The following FBRSL1 variants were observed in gnomAD, a reference collection of about 807,000 sequenced individuals.
The protein encoded by FBRSL1 is fibrosin-1-like protein.
Under a neutral mutation model 89.6 loss-of-function variants are expected in FBRSL1, and 51 were observed. The observed-to-expected ratio is 0.57, with a 90% confidence interval of 0.45 to 0.72. The LOEUF is 0.72. Ranked by LOEUF, FBRSL1 falls within the 30% of genes least tolerant of loss-of-function variation. The pLI, the probability that FBRSL1 is intolerant of heterozygous loss-of-function variation, is 0.00. For missense variants in FBRSL1, 1,618 were observed against 1,451.8 expected, an observed-to-expected ratio of 1.11 and a Z score of -1.86; for synonymous variants, 779 against 681.1, an observed-to-expected ratio of 1.14 and a Z score of -2.24.
chr12:132,575,546 T>A (rs555098786), intron 14 of FBRSL1, among the ~76,000 whole-genome samples: 1 of 152,348 alleles, frequency 6.6e-6, no homozygotes, highest in South Asian at 2.1e-4. Context: ...CATGTCTTTA[T>A]ACTTGCATGT....
chr12:132,571,357 G>A lies in FBRSL1; in HGVS notation c.1377+126G>A, dbSNP rs1197491630. ...GAACACGCGGTTTCTGGTGCAGAGC[G>A]CCGAGCGGCCTGGCGCCTCCCTGGG... On this transcript the variant is annotated intron_variant, in intron 9 of 18. Transcript: ENST00000680143. 5.8e-6 allele frequency: 9 copies of A among 1,550,410 alleles called. No homozygotes were observed. Among genetic ancestry groups the A allele is most frequent in the African/African-American group, 5.5e-5 (4 of 73,014 alleles).
chr12:132,507,258 C>T, intron 1 of FBRSL1: 1 of 985,576 alleles, frequency 1.0e-6, no homozygotes, highest in Non-Finnish European at 1.2e-6. Flanking sequence ...ACAGCTGTGC[C>T]CTCCCCGAGA....
rs560247582 is a variant in FBRSL1 at position 132,548,210 on chromosome 12, G to A, written c.645+178G>A. Among the ~76,000 whole-genome samples, 9 of 152,300 alleles carry A rather than the reference G, an allele frequency of 5.9e-5. No individual in the cohort carries two copies. The South Asian group carries it at 1.7e-3, about 28-fold the overall frequency. The stretch of plus-strand genomic sequence containing the variant: ...AGGTATGGGGGTGCTGGCCTCTCCT[G>A]GCTGTGGAAGAGCCTGTCCAGGGCT... On this transcript the variant is annotated intron_variant, in intron 5 of 18. Transcript: ENST00000680143.
intron 18 of FBRSL1, 138 bp downstream of exon 18, chr12:132,582,404 TCCCCTTCCCCGTTC>T: frequency 1.7e-6 from 1 of 598,608 alleles, no homozygotes; most frequent in Non-Finnish European, 3.0e-6. Flanking sequence ...CTCCCCCTGT[TCCCCTTCCCCGTTC>T]CCCCTCCCCC....
intron 4 of FBRSL1, among the ~76,000 whole-genome samples, chr12:132,537,042 T>C (rs1031378932): frequency 6.6e-6 from 1 of 152,054 alleles, no homozygotes; most frequent in East Asian, 1.9e-4. Context: ...AAGCGGCTGG[T>C]GGCCAGCTCT....
chr12:132,528,010 C>T (rs553658224), intron 4 of FBRSL1, 22 bp downstream of exon 4: 2 of 1,550,782 alleles, frequency 1.3e-6, no homozygotes, highest in African/African-American at 2.7e-5. Context: ...AGCACCCCTC[C>T]TCCATCTTTG....
Position 132,564,116 on chromosome 12 carries a change from A to G in FBRSL1, c.646-3365A>G, listed in dbSNP as rs547953714. Among the ~76,000 whole-genome samples the G allele has an allele frequency of 7.9e-5, 12 of 152,310 alleles. No individual in the cohort carries two copies. In the South Asian group the frequency reaches 1.9e-3, roughly 24 times the overall value. ...GCTCACAGAGCGCGTGCCGACAGCA[A>G]TTCCATATGTGGCTGAGGCAGACGC... On this transcript the variant is annotated intron_variant, in intron 5 of 18. Coordinates refer to ENST00000680143, the MANE Select transcript of FBRSL1 (RefSeq NM_001367871.1).
rs2040951730 is a variant in FBRSL1 at position 132,583,645 on chromosome 12, T to A, written c.2876T>A (p.Leu959Gln). The stretch of plus-strand genomic sequence containing the variant: ...GCCGCCCTCGGCGCACCGCCCCCCC[T>A]GGTGACGGCGGCCGGGCCCCCCACG... ...AAAALGAPPPLVTAAGPPTPP... is the reference protein window; with the variant it reads ...AAAALGAPPPQVTAAGPPTPP... The change falls in exon 19 of 19, where the codon CTG becomes CAG. Residue 959 changes from leucine (L) to glutamine (Q), a missense_variant. Leu to Gln is a moderately radical substitution (Grantham distance 113, BLOSUM62 -2). Coordinates refer to ENST00000680143, the MANE Select transcript of FBRSL1 (RefSeq NM_001367871.1). 2 of 1,015,882 alleles carry A rather than the reference T, an allele frequency of 2.0e-6. No homozygotes were observed. Among genetic ancestry groups the A allele is most frequent in the African/African-American group, 1.7e-5 (1 of 57,186 alleles). The allele number at this position is 1,015,882 out of a possible 1,614,324, so 62.9% of individuals were successfully genotyped here.
intron 4 of FBRSL1, among the ~76,000 whole-genome samples, chr12:132,544,477 C>T (rs928187687): frequency 6.6e-6 from 1 of 152,164 alleles, no homozygotes; most frequent in East Asian, 1.9e-4. Flanking sequence ...AACTCCCAGA[C>T]CAGGACTTCA....
intron 6 of FBRSL1, among the ~76,000 whole-genome samples, 165 bp from the exon 7 acceptor site, chr12:132,569,761 C>G (rs868040190): frequency 6.6e-6 from 1 of 152,132 alleles, no homozygotes; most frequent in Non-Finnish European, 1.5e-5. Flanking sequence ...CGGGTGAGAT[C>G]CAGCTAGCTG....
chr12:132,496,444 T>G (rs2032046138), intron 1 of FBRSL1, among the ~76,000 whole-genome samples: 1 of 152,208 alleles, frequency 6.6e-6, no homozygotes. Context: ...CTTGTGTTTT[T>G]GTCACTCTGG....
intron 6 of FBRSL1, among the ~76,000 whole-genome samples, chr12:132,568,325 C>T (rs2039774107): frequency 6.6e-6 from 1 of 152,268 alleles, no homozygotes; most frequent in Admixed American, 6.5e-5. Context: ...CCTGCCAATG[C>T]CGGCAAGGAT....
intron 2 of FBRSL1, chr12:132,510,258 C>T (rs1277889712): frequency 1.6e-6 from 2 of 1,231,760 alleles, no homozygotes; most frequent in African/African-American, 3.1e-5. Context: ...GCCGGGCCCA[C>T]CCTGCCGGCC....
At chr12:132,535,667 G>T (rs2036649487) in intron 4 of FBRSL1, among the ~76,000 whole-genome samples, 1 of 152,292 alleles carries the variant, frequency 6.6e-6, no homozygotes, top group Non-Finnish European at 1.5e-5. Context: ...AGGCCCAGCG[G>T]GTGCAGGAAC....
chr12:132,524,196 G>A (rs1373322529), intron 2 of FBRSL1, among the ~76,000 whole-genome samples: 6 of 152,262 alleles, frequency 3.9e-5, no homozygotes, highest in Non-Finnish European at 8.8e-5. Flanking sequence ...CGGGCAGCCT[G>A]GCCAGGGCCT....
intron 2 of FBRSL1, among the ~76,000 whole-genome samples, chr12:132,520,294 A>G (rs1018585101): frequency 3.3e-5 from 5 of 152,010 alleles, no homozygotes; most frequent in Admixed American, 6.6e-5. Flanking sequence ...CAGCTGTGGG[A>G]GAGCTCCCTT....
At chr12:132,532,922 G>A (rs905755475) in intron 4 of FBRSL1, among the ~76,000 whole-genome samples, 13 of 152,306 alleles carry the variant, frequency 8.5e-5, no homozygotes, top group East Asian at 5.8e-4. Flanking sequence ...CTGGGGTCCC[G>A]CTGCCCTCGC....
chr12:132,493,700 G>GC (rs1451093984), intron 1 of FBRSL1, among the ~76,000 whole-genome samples: 10 of 152,164 alleles, frequency 6.6e-5, no homozygotes, highest in African/African-American at 2.2e-4. Flanking sequence ...CCCGGGGCAG[G>GC]CCCCCGCCCC....
At chr12:132,582,908 G>T in intron 18 of FBRSL1, 63 bp from the exon 19 acceptor site, 1 of 1,279,722 alleles carries the variant, frequency 7.8e-7, no homozygotes, top group East Asian at 3.3e-5. Context: ...GGAACATCCC[G>T]GGGCTGCGCC....
Sources: allele counts gnomAD v4.1 joint callset (sites outside exome capture counted in the v4.1 genomes callset), GRCh38; gene constraint gnomAD v4.1.1; transcripts MANE v1.5; gene names NCBI Gene and HGNC (gene_info 2026-07-23, HGNC 2026-07-21).